MDGA2: variants seen among roughly 807,000 people sequenced by gnomAD.
MDGA2 encodes the protein MAM domain containing glycosylphosphatidylinositol anchor 2.
A neutral mutation model predicts 117.8 loss-of-function variants in MDGA2; 40 were observed. The ratio of observed to expected loss-of-function variants is 0.34; its 90% CI spans 0.26 to 0.44. The LOEUF (loss-of-function observed/expected upper bound fraction) is 0.44, where lower values mean the gene tolerates loss of function less well. Ranked by LOEUF, MDGA2 falls within the 20% of genes least tolerant of loss-of-function variation. MDGA2 has a pLI of 1.00. For missense variants in MDGA2, 1,123 were observed against 1,250.6 expected (o/e 0.90, Z 1.54); for synonymous variants, 452 against 439.0 (o/e 1.03, Z -0.37).
chr14:47,386,753 G>A (rs1456173205), intron 1 of MDGA2, among the ~76,000 whole-genome samples: 2 of 152,046 alleles, frequency 1.3e-5, no homozygotes, highest in Admixed American at 1.3e-4. Context: ...TATCATTCAG[G>A]GACTATATAT....
intron 1 of MDGA2, among the ~76,000 whole-genome samples, chr14:47,561,175 G>GTTTTTTTTTTTTTTTT (rs150826944): frequency 8.7e-5 from 6 of 69,354 alleles, no homozygotes; most frequent in Non-Finnish European, 1.1e-4. Flanking sequence ...TTTTTTGTTT[G>GTTTTTTTTTTTTTTTT]TTTGTTTTTT....
At chr14:47,150,023 A>T (rs921784691) in intron 3 of MDGA2, among the ~76,000 whole-genome samples, 5 of 152,160 alleles carry the variant, frequency 3.3e-5, no homozygotes, top group Non-Finnish European at 7.3e-5. Flanking sequence ...CCCTATATGG[A>T]TCTGGTGGCC....
chr14:47,561,183 T>TTTG (rs1895808070), intron 1 of MDGA2, among the ~76,000 whole-genome samples: 1 of 143,026 alleles, frequency 7.0e-6, no homozygotes, highest in Non-Finnish European at 1.5e-5. Context: ...TTGTTTGTTT[T>TTTG]TTTTTGCTTA....
chr14:47,626,855 C>T (rs1281426380), intron 1 of MDGA2, among the ~76,000 whole-genome samples: 1 of 152,250 alleles, frequency 6.6e-6, no homozygotes, highest in Non-Finnish European at 1.5e-5. Context: ...CCCTGCTCCA[C>T]AGCGCCCAGA....
intron 1 of MDGA2, among the ~76,000 whole-genome samples, chr14:47,606,439 AG>A (rs1403197145): frequency 6.6e-6 from 1 of 152,230 alleles, no homozygotes; most frequent in Non-Finnish European, 1.5e-5. Flanking sequence ...TTAATTCAAA[AG>A]CTAAATATAT....
intron 1 of MDGA2, among the ~76,000 whole-genome samples, chr14:47,433,769 C>A (rs947461467): frequency 2.6e-5 from 4 of 152,070 alleles, no homozygotes; most frequent in African/African-American, 9.7e-5. Flanking sequence ...TAATTCAAAG[C>A]AGACAAAGCA....
At chr14:47,009,513 T>C (rs1333945176) in intron 8 of MDGA2, among the ~76,000 whole-genome samples, 2 of 152,080 alleles carry the variant, frequency 1.3e-5, no homozygotes, top group Non-Finnish European at 2.9e-5. Flanking sequence ...CACTTTTCTC[T>C]AACCAAGCAC....
At chr14:46,887,273 A>G (rs1308948218) in intron 10 of MDGA2, among the ~76,000 whole-genome samples, 1 of 151,978 alleles carries the variant, frequency 6.6e-6, no homozygotes, top group Non-Finnish European at 1.5e-5. Context: ...GGTAGTAACT[A>G]TATTTAGCCC....
intron 3 of MDGA2, among the ~76,000 whole-genome samples, chr14:47,166,043 T>C (rs1883860461): frequency 6.7e-6 from 1 of 149,948 alleles, no homozygotes; most frequent in Admixed American, 6.6e-5. Context: ...CTTTTTTTTT[T>C]TTTTTTTTTT....
At chr14:47,129,239 T>TTCCCC (rs1555356096) in intron 5 of MDGA2, among the ~76,000 whole-genome samples, 1 of 147,958 alleles carries the variant, frequency 6.8e-6, no homozygotes, top group African/African-American at 2.5e-5. Flanking sequence ...ATGCTATAGC[T>TTCCCC]CCCCCCCCGA....
At chr14:47,316,526 C>T (rs1889815691) in intron 1 of MDGA2, among the ~76,000 whole-genome samples, 1 of 151,886 alleles carries the variant, frequency 6.6e-6, no homozygotes, top group African/African-American at 2.4e-5. Context: ...TGGAAAATAA[C>T]TTGTTTAATT....
At chr14:47,394,377 C>G (rs1464949393) in intron 1 of MDGA2, among the ~76,000 whole-genome samples, 2 of 152,098 alleles carry the variant, frequency 1.3e-5, no homozygotes, top group Admixed American at 1.3e-4. Context: ...CATCTGTAAC[C>G]TAGTGTAAAA....
intron 1 of MDGA2, among the ~76,000 whole-genome samples, chr14:47,391,264 G>T (rs557370037): frequency 1.3e-5 from 2 of 152,278 alleles, no homozygotes; most frequent in South Asian, 4.1e-4. Flanking sequence ...CTGTACTGTA[G>T]ATTTGCCGAA....
At chr14:47,226,263 G>A (rs143591679) in intron 2 of MDGA2, among the ~76,000 whole-genome samples, 66 of 142,256 alleles carry the variant, frequency 4.6e-4, no homozygotes, top group African/African-American at 1.4e-3. Context: ...ATAAATAAAT[G>A]GGAGGAGTCT....
At position 47,582,876 on chromosome 14, in the gene MDGA2, CCT is replaced by C. The variant is rs1896254781; in HGVS notation, c.280+91639_280+91640del. ...AATCCAGAATTAGTAACAACTTCAA[CCT>C]CTTTGTCAGGTTCAACTCAGTCTCT... On this transcript the variant is annotated intron_variant, in intron 1 of 16. Coordinates refer to ENST00000399232, the MANE Select transcript of MDGA2 (RefSeq NM_001113498.3). Among the ~76,000 whole-genome samples, 3 of 152,010 alleles carry C rather than the reference CCT, an allele frequency of 2.0e-5. No homozygotes were observed. The East Asian group carries it at 5.8e-4, about 29-fold the overall frequency.
intron 5 of MDGA2, among the ~76,000 whole-genome samples, chr14:47,111,552 A>C (rs1039052041): frequency 5.9e-5 from 9 of 152,206 alleles, no homozygotes; most frequent in African/African-American, 2.2e-4. Flanking sequence ...TCATAATTAC[A>C]AAGCCTAAAT....
intron 2 of MDGA2, among the ~76,000 whole-genome samples, chr14:47,229,375 A>G (rs1886612502): frequency 6.6e-6 from 1 of 152,132 alleles, no homozygotes; most frequent in African/African-American, 2.4e-5. Context: ...CCACTATACC[A>G]TCTCAATAAT....
At chr14:47,096,666 ACT>A (rs1283537635) in intron 6 of MDGA2, among the ~76,000 whole-genome samples, 186 bp downstream of exon 6, 2 of 152,082 alleles carry the variant, frequency 1.3e-5, no homozygotes, top group Non-Finnish European at 1.5e-5. Flanking sequence ...TATATAAAGC[ACT>A]GTTATTAATC....
At chr14:47,335,617 A>G (rs1890420169) in intron 1 of MDGA2, among the ~76,000 whole-genome samples, 1 of 151,188 alleles carries the variant, frequency 6.6e-6, no homozygotes, top group African/African-American at 2.4e-5. Context: ...AAGTCATCTG[A>G]TGATTTTAAA....
Sources: gnomAD v4.1 joint callset for allele counts (sites outside exome capture counted in the v4.1 genomes callset) on GRCh38, gnomAD v4.1.1 for gene constraint, MANE v1.5 for transcripts, NCBI Gene and HGNC (gene_info 2026-07-23, HGNC 2026-07-21) for gene names.